Variants in NAV2 observed in about 807,000 individuals in gnomAD.
The protein encoded by NAV2 is helicase, APC down-regulated 1.
A neutral mutation model predicts 223.2 loss-of-function variants in NAV2; 54 were observed. The observed-to-expected ratio is 0.24, with a 90% CI of 0.19 to 0.30. The LOEUF is 0.30. Ranked by LOEUF, NAV2 falls within the 10% of genes least tolerant of loss-of-function variation. NAV2 has a pLI of 1.00. For synonymous variants in NAV2, 1,279 were observed against 1,239.3 expected (o/e 1.03, Z -0.67); for missense variants, 2,806 against 3,147.5 (o/e 0.89, Z 2.60).
rs115043497 is a variant in NAV2 at position 19,758,111 on chromosome 11, G to A, written c.267+44149G>A. ...ATATTATCCCCTCCACTTCATAGAT[G>A]AGGAATGTTGAGAATAAAGGGTTTT... On this transcript the variant is annotated intron_variant, in intron 1 of 37. Coordinates refer to ENST00000349880, the MANE Select transcript of NAV2 (RefSeq NM_145117.5). Among the ~76,000 whole-genome samples, 1,071 of 152,278 alleles carry A rather than the reference G, an allele frequency of 7.0e-3. 12 individuals are homozygous for A. Among genetic ancestry groups the A allele is most frequent in the African/African-American group, 0.025 (1,026 of 41,548 alleles).
chr11:19,620,736 A>G (rs1317311018), intron 1 of NAV2, among the ~76,000 whole-genome samples: 1 of 152,150 alleles, frequency 6.6e-6, no homozygotes, highest in African/African-American at 2.4e-5. Flanking sequence ...TCTTTTCCTA[A>G]TTGAATACCT....
At chr11:19,924,103 A>G (rs2044512476) in intron 6 of NAV2, among the ~76,000 whole-genome samples, 1 of 152,198 alleles carries the variant, frequency 6.6e-6, no homozygotes. Flanking sequence ...AGAGATTTTA[A>G]GAATTTATTC....
chr11:20,023,699 GGTGT>G (rs374769800), intron 11 of NAV2, among the ~76,000 whole-genome samples: 1,618 of 143,968 alleles, frequency 0.011, 14 homozygotes, highest in East Asian at 0.039. Flanking sequence ...CAAATTGCTG[GGTGT>G]GTGTGTGTGT....
intron 11 of NAV2, among the ~76,000 whole-genome samples, chr11:19,988,992 A>T (rs115919279): frequency 1.6e-3 from 238 of 152,298 alleles, no homozygotes; most frequent in African/African-American, 5.6e-3. Flanking sequence ...TAGGTCCCCA[A>T]CAAGCCAGTT....
intron 1 of NAV2, among the ~76,000 whole-genome samples, chr11:19,608,153 C>A (rs2046531102): frequency 1.3e-5 from 2 of 152,208 alleles, no homozygotes; most frequent in African/African-American, 4.8e-5. Flanking sequence ...TGCATTCCAG[C>A]AGAGCAAATG....
chr11:19,562,561 A>G (rs1220109407), intron 1 of NAV2, among the ~76,000 whole-genome samples: 1 of 152,170 alleles, frequency 6.6e-6, no homozygotes, highest in Non-Finnish European at 1.5e-5. Flanking sequence ...GCAACAGAAT[A>G]GGATTCTAAG....
intron 1 of NAV2, among the ~76,000 whole-genome samples, chr11:19,742,596 T>G (rs1210898488): frequency 6.6e-6 from 1 of 152,112 alleles, no homozygotes; most frequent in Non-Finnish European, 1.5e-5. Flanking sequence ...GCTTGGTGCC[T>G]ATGTGGATGA....
intron 1 of NAV2, among the ~76,000 whole-genome samples, chr11:19,590,297 C>G (rs1166165503): frequency 6.6e-6 from 1 of 152,056 alleles, no homozygotes; most frequent in Admixed American, 6.5e-5. Flanking sequence ...GGTTTTAAAC[C>G]TTAAACCTTG....
chr11:19,864,123 A>G (rs1399957359), intron 3 of NAV2, among the ~76,000 whole-genome samples: 1 of 152,212 alleles, frequency 6.6e-6, no homozygotes, highest in East Asian at 1.9e-4. Context: ...ATGATTTACA[A>G]AAATGGTTGT....
At chr11:19,512,457 A>G (rs1243993926) in intron 1 of NAV2, among the ~76,000 whole-genome samples, 1 of 152,170 alleles carries the variant, frequency 6.6e-6, no homozygotes, top group Non-Finnish European at 1.5e-5. Context: ...TCTGGGGAGA[A>G]CCAGAGAGGG....
chr11:19,980,244 C>A lies in NAV2; in HGVS notation c.2646-3881C>A, dbSNP rs534944915. ...CTGGGGAAGCTTAAGAAGGTGGATG[C>A]GGAGAGCCGCCTCCACCCACCTATC... On this transcript the variant is annotated intron_variant, in intron 10 of 37. Transcript: ENST00000349880. Among the ~76,000 whole-genome samples the A allele has an allele frequency of 7.2e-5, 11 of 152,236 alleles. 1 individual carries two copies. The East Asian group carries it at 1.9e-3, about 27-fold the overall frequency.
In NAV2 at chr11:20,097,650, G is replaced by A; in HGVS notation, c.6086G>A (p.Gly2029Glu). 10 of 1,613,802 alleles carry A rather than the reference G, an allele frequency of 6.2e-6. No individual in the cohort carries two copies. Among genetic ancestry groups the A allele is most frequent in the Non-Finnish European group, 8.5e-6 (10 of 1,179,946 alleles). ...GACAGCGTTCTTGGCTACAGCATTG[G>A]AGAAATCAAGCGCAGCAACACTTCC... is the stretch of plus-strand genomic sequence containing the variant. ...NSDSVLGYSI[G>E]EIKRSNTSET... The change falls in exon 31 of 38, where the codon GGA becomes GAA. Residue 2029 changes from glycine (G) to glutamate (E), a missense_variant. Gly to Glu is a moderately conservative substitution (Grantham distance 98). Transcript: ENST00000349880.
At chr11:19,981,516 G>T (rs2050284847) in intron 10 of NAV2, among the ~76,000 whole-genome samples, 1 of 152,232 alleles carries the variant, frequency 6.6e-6, no homozygotes, top group Non-Finnish European at 1.5e-5. Flanking sequence ...GGAAATGAAT[G>T]CTAAAATTAG....
chr11:19,832,651 C>G lies in NAV2; in HGVS notation c.385+50C>G, dbSNP rs1271490057. On this transcript the variant is annotated intron_variant, in intron 2 of 37. Transcript: ENST00000349880. ...GTAATGAGTTACAGTGGAGCCATCT[C>G]AAAAGGCCGGGGTGAGGGGAACAGA... The G allele has an allele frequency of 2.1e-6, 3 of 1,460,830 alleles. No homozygotes were observed. In the African/African-American group the frequency reaches 4.2e-5, roughly 20 times the overall value. 90.5% of individuals were successfully genotyped at this position (1,460,830 alleles called of 1,614,324 possible).
chr11:19,376,971 G>A (rs1339569311), intron 1 of NAV2, among the ~76,000 whole-genome samples: 1 of 152,178 alleles, frequency 6.6e-6, no homozygotes, highest in Admixed American at 6.5e-5. Flanking sequence ...AAGTAGTAGG[G>A]CAGAGCTAGC....
rs747839365 is a variant in NAV2, at chr11:19,471,448, C to T, written c.75+120421C>T. ...TATTTCTTGAGTGCTTCCTCTGTGC[C>T]GGCCATGTGGTGTGTACTTCAGGAC... On this transcript the variant is annotated intron_variant, in intron 1 of 37. Coordinates refer to the NAV2 transcript ENST00000360655. Among the ~76,000 whole-genome samples, 16 of 152,238 alleles carry T rather than the reference C, an allele frequency of 1.1e-4. No individual in the cohort carries two copies. In the East Asian group the frequency reaches 1.5e-3, roughly 15 times the overall value.
At chr11:20,111,094 G>A (rs1315523052) in intron 36 of NAV2, among the ~76,000 whole-genome samples, 1 of 152,208 alleles carries the variant, frequency 6.6e-6, no homozygotes, top group African/African-American at 2.4e-5. Flanking sequence ...CACTGCAAGG[G>A]CGTGTAAGTG....
intron 1 of NAV2, among the ~76,000 whole-genome samples, chr11:19,650,991 C>T (rs1009562993): frequency 6.6e-6 from 1 of 152,162 alleles, no homozygotes; most frequent in African/African-American, 2.4e-5. Context: ...GAATTGAACA[C>T]ATAAAATGAG....
intron 11 of NAV2, among the ~76,000 whole-genome samples, chr11:20,028,426 G>C (rs193019735): frequency 6.6e-6 from 1 of 152,326 alleles, no homozygotes; most frequent in African/African-American, 2.4e-5. Context: ...AACAGCTGAG[G>C]CTGAGGCTGT....
Sources: allele counts gnomAD v4.1 joint callset (sites outside exome capture counted in the v4.1 genomes callset), GRCh38; gene constraint gnomAD v4.1.1; transcripts MANE v1.5; gene names NCBI Gene and HGNC (gene_info 2026-07-23, HGNC 2026-07-21).